The following CCSER1 variants were observed in gnomAD, a reference collection of about 807,000 sequenced individuals.
CCSER1 encodes coiled-coil serine rich protein 1.
A neutral mutation model predicts 82.0 loss-of-function variants in CCSER1; 41 were observed. The observed-to-expected ratio is 0.50, with a 90% confidence interval of 0.39 to 0.65. The LOEUF (loss-of-function observed/expected upper bound fraction) is 0.65, where lower values mean the gene tolerates loss of function less well. Among genes scored for constraint, CCSER1 ranks in the 30% least tolerant of loss-of-function variants. The pLI is 0.00. For missense variants in CCSER1, 1,119 were observed against 1,064.2 expected, an observed-to-expected ratio of 1.05 and a Z score of -0.72; for synonymous variants, 414 against 383.9, an observed-to-expected ratio of 1.08 and a Z score of -0.92.
At chr4:91,459,194 G>T (rs184424222) in intron 10 of CCSER1, among the ~76,000 whole-genome samples, 1 of 152,126 alleles carries the variant, frequency 6.6e-6, no homozygotes, top group East Asian at 1.9e-4. Flanking sequence ...ATAATGAGCT[G>T]TTAGAATTGT....
chr4:91,312,090 T>C (rs375919653), intron 10 of CCSER1, among the ~76,000 whole-genome samples: 95 of 151,882 alleles, frequency 6.3e-4, no homozygotes, highest in African/African-American at 1.6e-3. Flanking sequence ...TGGCTTTAAG[T>C]AGTAGGTTCA....
intron 8 of CCSER1, among the ~76,000 whole-genome samples, chr4:90,875,151 T>G (rs1358610508): frequency 1.3e-5 from 2 of 152,084 alleles, no homozygotes; most frequent in African/African-American, 4.8e-5. Flanking sequence ...AGTGCTTGAG[T>G]TCTCTAATGA....
intron 5 of CCSER1, among the ~76,000 whole-genome samples, chr4:90,484,850 T>C (rs1362457782): frequency 1.3e-5 from 2 of 152,232 alleles, no homozygotes; most frequent in African/African-American, 2.4e-5. Flanking sequence ...GACAGTCTGC[T>C]CATTCTCAGA....
At chr4:91,445,810 G>T (rs919395132) in intron 10 of CCSER1, among the ~76,000 whole-genome samples, 17 of 152,008 alleles carry the variant, frequency 1.1e-4, no homozygotes, top group African/African-American at 4.1e-4. Context: ...AAAGCACAGT[G>T]ATGTCATAAT....
chr4:91,347,533 G>A (rs1195689502), intron 10 of CCSER1, among the ~76,000 whole-genome samples: 1 of 151,798 alleles, frequency 6.6e-6, no homozygotes, highest in Admixed American at 6.6e-5. Context: ...GGCTGGGATT[G>A]TGTTTAATGT....
intron 10 of CCSER1, among the ~76,000 whole-genome samples, chr4:91,090,972 G>A (rs1723883076): frequency 6.6e-6 from 1 of 152,150 alleles, no homozygotes; most frequent in Non-Finnish European, 1.5e-5. Context: ...ACTCATGCAG[G>A]AGGGGCTTCC....
chr4:90,158,841 A>G (rs1184566945), intron 1 of CCSER1, among the ~76,000 whole-genome samples: 1 of 152,080 alleles, frequency 6.6e-6, no homozygotes, highest in South Asian at 2.1e-4. Context: ...GAGTGAGGCA[A>G]TGCCTCACCC....
At chr4:90,487,614 G>C (rs543962006) in intron 5 of CCSER1, among the ~76,000 whole-genome samples, 1 of 152,176 alleles carries the variant, frequency 6.6e-6, no homozygotes. Context: ...GGAATAAACA[G>C]CTGAAAGAAT....
At chr4:90,874,877 C>A (rs1174846604) in intron 8 of CCSER1, among the ~76,000 whole-genome samples, 1 of 152,066 alleles carries the variant, frequency 6.6e-6, no homozygotes, top group Non-Finnish European at 1.5e-5. Context: ...GAAACCCCGT[C>A]TCCACTAAAA....
At chr4:90,466,202 G>A (rs570476688) in intron 4 of CCSER1, among the ~76,000 whole-genome samples, 101 of 152,282 alleles carry the variant, frequency 6.6e-4, no homozygotes, top group African/African-American at 2.2e-3. Context: ...AAATAATGTG[G>A]GTAGGCCTCA....
At position 91,440,981 on chromosome 4, in the gene CCSER1, G is replaced by A. The variant is rs927771492; in HGVS notation, c.2218-157591G>A. The stretch of plus-strand genomic sequence containing the variant: ...TCTGAAATTGTGGCAATAATCAATA[G>A]CTTACCAACCAAAAAGAGTCCAGGA... On this transcript the variant is annotated intron_variant, in intron 10 of 10. Transcript: ENST00000509176. 4.6e-5 allele frequency among the ~76,000 whole-genome samples: 7 copies of A among 151,908 alleles called. No homozygotes were observed. In the East Asian group the frequency reaches 7.8e-4, roughly 17 times the overall value.
intron 3 of CCSER1, among the ~76,000 whole-genome samples, chr4:90,328,349 G>A (rs368009542): frequency 1.4e-5 from 2 of 147,128 alleles, no homozygotes; most frequent in African/African-American, 5.1e-5. Flanking sequence ...TTTTTTTTTT[G>A]ATGTATATTG....
intron 9 of CCSER1, among the ~76,000 whole-genome samples, chr4:91,035,480 A>C (rs1741356583): frequency 6.6e-6 from 1 of 152,198 alleles, no homozygotes; most frequent in South Asian, 2.1e-4. Flanking sequence ...CACTGTGCCA[A>C]AGCACAGCTC....
intron 10 of CCSER1, among the ~76,000 whole-genome samples, chr4:91,134,942 C>G (rs556381745): frequency 3.3e-4 from 50 of 151,952 alleles, no homozygotes; most frequent in Non-Finnish European, 2.8e-4. Flanking sequence ...TGCTTGTAGT[C>G]CCAGCTACTC....
chr4:91,339,857 G>A (rs1355363366), intron 10 of CCSER1, among the ~76,000 whole-genome samples: 1 of 152,040 alleles, frequency 6.6e-6, no homozygotes, highest in African/African-American at 2.4e-5. Context: ...CATGGCTTAT[G>A]CCTGTAATCC....
chr4:91,450,056 G>A (rs1755787518), intron 10 of CCSER1, among the ~76,000 whole-genome samples: 1 of 151,960 alleles, frequency 6.6e-6, no homozygotes, highest in African/African-American at 2.4e-5. Context: ...ACATTGCTAT[G>A]AACTGGGTAC....
At chr4:90,432,528 G>A (rs1026330597) in intron 4 of CCSER1, among the ~76,000 whole-genome samples, 2 of 151,804 alleles carry the variant, frequency 1.3e-5, no homozygotes, top group Non-Finnish European at 2.9e-5. Flanking sequence ...CCACCTTCTT[G>A]TTCTTCTTCC....
At position 91,533,107 on chromosome 4, in the gene CCSER1, C is replaced by T. The variant is rs184831799; in HGVS notation, c.2218-65465C>T. Among the ~76,000 whole-genome samples, 274 of 152,118 alleles carry T rather than the reference C, an allele frequency of 1.8e-3. 1 individual carries two copies. Among genetic ancestry groups the T allele is most frequent in the African/African-American group, 6.2e-3 (256 of 41,522 alleles). ...ATTTAAATATATTATTGTAAATGCA[C>T]GGGCAATAAGTTATTATTTAGATTA... On this transcript the variant is annotated intron_variant, in intron 10 of 10. Transcript: ENST00000509176.
intron 5 of CCSER1, among the ~76,000 whole-genome samples, chr4:90,484,749 G>T (rs980914689): frequency 2.0e-5 from 3 of 152,188 alleles, no homozygotes; most frequent in African/African-American, 7.2e-5. Context: ...TCTCAGAGGA[G>T]TACCTGGCCG....
Sources: allele counts gnomAD v4.1 joint callset (sites outside exome capture counted in the v4.1 genomes callset), GRCh38; gene constraint gnomAD v4.1.1; transcripts MANE v1.5; gene names NCBI Gene and HGNC (gene_info 2026-07-23, HGNC 2026-07-21).